Variants in SPOCK3 observed in about 807,000 individuals in gnomAD.
SPOCK3 encodes the protein SPARC (osteonectin), cwcv and kazal like domains proteoglycan 3.
A neutral mutation model predicts 56.6 loss-of-function variants in SPOCK3; 30 were observed. That is an observed-to-expected ratio of 0.53 (90% CI 0.40 to 0.72). The LOEUF is 0.72. Among genes scored for constraint, SPOCK3 ranks in the 30% least tolerant of loss-of-function variants. The probability of loss-of-function intolerance (pLI) is 0.00; values close to 1 mark genes in which losing one functional copy is unlikely to be tolerated. For synonymous variants in SPOCK3, 196 were observed against 183.3 expected (o/e 1.07, Z -0.56); for missense variants, 527 against 530.0 (o/e 0.99, Z 0.06).
rs17053015 is a variant in SPOCK3 at position 167,142,410 on chromosome 4, T to C, written c.190-79873A>G. On this transcript the variant is annotated intron_variant, in intron 2 of 10. Transcript: ENST00000357545. ...GAAACTACTGGAAGCTATTCTTTCCTATTAAAGTAGTAAATCAAAAAAGAG... is the reference window on the plus strand; with the variant it reads ...GAAACTACTGGAAGCTATTCTTTCCCATTAAAGTAGTAAATCAAAAAAGAG... 6.0e-3 allele frequency among the ~76,000 whole-genome samples: 910 copies of C among 151,890 alleles called. 15 individuals are homozygous for C. Among genetic ancestry groups the C allele is most frequent in the African/African-American group, 0.021 (858 of 41,434 alleles).
chr4:166,865,400 T>A (rs1257153491), intron 6 of SPOCK3, among the ~76,000 whole-genome samples: 1 of 152,152 alleles, frequency 6.6e-6, no homozygotes, highest in Non-Finnish European at 1.5e-5. Context: ...TCACCACTCC[T>A]ATTCAACATA....
chr4:167,126,515 C>A (rs1464594284), intron 2 of SPOCK3, among the ~76,000 whole-genome samples: 2 of 152,052 alleles, frequency 1.3e-5, no homozygotes, highest in Non-Finnish European at 2.9e-5. Context: ...TGCTATTGCA[C>A]TCTAGCCTGG....
intron 2 of SPOCK3, among the ~76,000 whole-genome samples, chr4:167,174,615 T>C (rs1218826209): frequency 6.6e-6 from 1 of 152,062 alleles, no homozygotes; most frequent in Non-Finnish European, 1.5e-5. Context: ...GAGATGAGCC[T>C]AGAGCCTATC....
chr4:166,972,352 C>T (rs1254530994), intron 4 of SPOCK3, among the ~76,000 whole-genome samples: 1 of 152,100 alleles, frequency 6.6e-6, no homozygotes, highest in African/African-American at 2.4e-5. Flanking sequence ...CTTCATCACT[C>T]AGCAATGTTA....
Position 167,057,668 on chromosome 4 carries a change from C to A in SPOCK3, c.235+4824G>T, listed in dbSNP as rs1157457509. 4.6e-5 allele frequency among the ~76,000 whole-genome samples: 7 copies of A among 152,060 alleles called. No homozygotes were observed. In the South Asian group the frequency reaches 1.5e-3, roughly 32 times the overall value. On this transcript the variant is annotated intron_variant, in intron 3 of 10. Coordinates refer to ENST00000357545, the MANE Select transcript of SPOCK3 (RefSeq NM_001040159.2). ...TCTGATAAAACAGACTTTAAACCAA[C>A]AAAGATCAAAAGAGACAAAGAAGGC... is the stretch of plus-strand genomic sequence containing the variant.
chr4:167,180,558 T>C (rs1731370770), intron 2 of SPOCK3, among the ~76,000 whole-genome samples: 2 of 152,146 alleles, frequency 1.3e-5, no homozygotes, highest in African/African-American at 2.4e-5. Context: ...AAGCAAGAAA[T>C]ACTGAGGTCT....
chr4:167,036,426 C>A (rs1050918924), intron 3 of SPOCK3, among the ~76,000 whole-genome samples: 1 of 152,054 alleles, frequency 6.6e-6, no homozygotes, highest in African/African-American at 2.4e-5. Context: ...ACAGTTTCAA[C>A]CAAAAATAAC....
chr4:167,076,364 G>C (rs963264586), intron 2 of SPOCK3, among the ~76,000 whole-genome samples: 1 of 151,852 alleles, frequency 6.6e-6, no homozygotes, highest in Non-Finnish European at 1.5e-5. Flanking sequence ...TGGTAGGGAT[G>C]TTGATCATGG....
chr4:166,835,276 C>CA (rs1560909497), intron 6 of SPOCK3, among the ~76,000 whole-genome samples: 1 of 152,026 alleles, frequency 6.6e-6, no homozygotes, highest in South Asian at 2.1e-4. Flanking sequence ...TTATAATGTT[C>CA]AAAAAACTTT....
In SPOCK3 at chr4:166,742,039, G is replaced by T; in HGVS notation, c.952C>A (p.Leu318Ile). The change falls in exon 9 of 11, where the codon CTC becomes ATC. Residue 318 changes from leucine (L) to isoleucine (I), a missense_variant. Leu to Ile is a conservative substitution (Grantham distance 5). Coordinates refer to ENST00000357545, the MANE Select transcript of SPOCK3 (RefSeq NM_001040159.2). ...CCTTGCCGCTTCTGAATATTGCTGA[G>T]CTCAGTCTGGCAAGGTGGGTCTGCA... ...RQQDPPCQTE[L>I]SNIQKRQGVK... 6.2e-7 allele frequency: 1 copy of T among 1,612,748 alleles called. No homozygotes were observed.
chr4:167,121,077 C>T (rs1761827943), intron 2 of SPOCK3, among the ~76,000 whole-genome samples: 1 of 151,598 alleles, frequency 6.6e-6, no homozygotes. Context: ...CTGAAAAGTT[C>T]AACAATCTAA....
At chr4:167,183,586 A>C (rs2110779070) in intron 2 of SPOCK3, among the ~76,000 whole-genome samples, 1 of 152,336 alleles carries the variant, frequency 6.6e-6, no homozygotes, top group African/African-American at 2.4e-5. Context: ...AAATAGGAAT[A>C]AAGAGAATAA....
intron 2 of SPOCK3, among the ~76,000 whole-genome samples, chr4:167,211,543 G>A (rs138388993): frequency 0.032 from 4,802 of 152,126 alleles, 87 homozygotes; most frequent in Admixed American, 0.069. Context: ...TGAATCATGG[G>A]GGCAGGTCTT....
chr4:167,046,436 T>C (rs1753727989), intron 3 of SPOCK3, among the ~76,000 whole-genome samples: 2 of 150,300 alleles, frequency 1.3e-5, no homozygotes, highest in Non-Finnish European at 3.0e-5. Flanking sequence ...TATCTTTTTT[T>C]TCTTTCTGAT....
At chr4:167,184,990 A>G (rs1332640943) in intron 2 of SPOCK3, among the ~76,000 whole-genome samples, 3 of 152,130 alleles carry the variant, frequency 2.0e-5, no homozygotes, top group East Asian at 3.8e-4. Flanking sequence ...GCCCCTCCCT[A>G]TTTCAAACAA....
intron 6 of SPOCK3, among the ~76,000 whole-genome samples, chr4:166,866,124 C>T (rs867629862): frequency 6.6e-6 from 1 of 152,084 alleles, no homozygotes; most frequent in African/African-American, 2.4e-5. Context: ...AGAAATAACA[C>T]CACACATCTA....
At chr4:167,096,138 T>C (rs925728712) in intron 2 of SPOCK3, among the ~76,000 whole-genome samples, 1 of 151,968 alleles carries the variant, frequency 6.6e-6, no homozygotes, top group African/African-American at 2.4e-5. Context: ...ATATTTCATG[T>C]ACATAGATAG....
intron 4 of SPOCK3, among the ~76,000 whole-genome samples, chr4:166,925,247 T>A (rs1738952791): frequency 6.6e-6 from 1 of 152,168 alleles, no homozygotes; most frequent in Non-Finnish European, 1.5e-5. Flanking sequence ...TTTTGATTAT[T>A]TACCCCAACT....
chr4:167,209,534 T>C (rs1010084343), intron 2 of SPOCK3, among the ~76,000 whole-genome samples: 1 of 152,142 alleles, frequency 6.6e-6, no homozygotes, highest in Non-Finnish European at 1.5e-5. Flanking sequence ...TCTTTGTACG[T>C]CCTATGTTCA....
Sources: allele counts gnomAD v4.1 joint callset (sites outside exome capture counted in the v4.1 genomes callset), GRCh38; gene constraint gnomAD v4.1.1; transcripts MANE v1.5; gene names NCBI Gene and HGNC (gene_info 2026-07-23, HGNC 2026-07-21).